Variants in PRICKLE1 observed in about 807,000 individuals in gnomAD.
PRICKLE1 encodes prickle planar cell polarity protein 1.
In PRICKLE1, 14 loss-of-function variants were observed where a neutral mutation model predicts 70.2. That is an observed-to-expected ratio of 0.20 (90% CI 0.13 to 0.31). The LOEUF (loss-of-function observed/expected upper bound fraction) is 0.31, where lower values mean the gene tolerates loss of function less well. Ranked by LOEUF, PRICKLE1 falls within the 10% of genes least tolerant of loss-of-function variation. The probability of loss-of-function intolerance (pLI) is 1.00; values close to 1 mark genes in which losing one functional copy is unlikely to be tolerated. For missense variants in PRICKLE1, 821 were observed against 1,026.2 expected (o/e 0.80, Z 2.73); for synonymous variants, 357 against 379.9 (o/e 0.94, Z 0.70).
intron 1 of PRICKLE1, among the ~76,000 whole-genome samples, chr12:42,583,881 T>C (rs974300267): frequency 6.6e-6 from 1 of 152,136 alleles, no homozygotes; most frequent in Admixed American, 6.5e-5. Context: ...GCTCTAGGTG[T>C]TATGTTTCAG....
At chr12:42,501,623 A>G (rs963820743) in intron 1 of PRICKLE1, among the ~76,000 whole-genome samples, 1 of 151,954 alleles carries the variant, frequency 6.6e-6, no homozygotes, top group Non-Finnish European at 1.5e-5. Flanking sequence ...CTTCCCTAAC[A>G]TGCAACTGAT....
At chr12:42,584,776 G>T (rs1277983966) in intron 1 of PRICKLE1, among the ~76,000 whole-genome samples, 1 of 152,170 alleles carries the variant, frequency 6.6e-6, no homozygotes, top group Non-Finnish European at 1.5e-5. Flanking sequence ...AGGGATCTCT[G>T]CCTCAGATAA....
At chr12:42,502,966 G>C (rs1939341600) in intron 1 of PRICKLE1, among the ~76,000 whole-genome samples, 1 of 152,156 alleles carries the variant, frequency 6.6e-6, no homozygotes, top group African/African-American at 2.4e-5. Flanking sequence ...TCTTAACCCT[G>C]GTCTTGGCCA....
At chr12:42,460,768 A>G in intron 7 of PRICKLE1, 103 bp from the exon 8 acceptor site, 2 of 1,382,426 alleles carry the variant, frequency 1.4e-6, no homozygotes, top group South Asian at 1.2e-5. Flanking sequence ...AAAATTTCCA[A>G]TCTCAATATT....
intron 1 of PRICKLE1, among the ~76,000 whole-genome samples, chr12:42,491,986 A>G (rs934271304): frequency 1.3e-5 from 2 of 151,704 alleles, no homozygotes; most frequent in Non-Finnish European, 2.9e-5. Flanking sequence ...GGTTTTCACT[A>G]TATTGGTCAG....
intron 1 of PRICKLE1, among the ~76,000 whole-genome samples, chr12:42,530,806 C>T (rs1483343121): frequency 1.4e-5 from 2 of 146,806 alleles, no homozygotes; most frequent in South Asian, 2.2e-4. Context: ...CCTGCCTTAG[C>T]CTCCCAAGTA....
Position 42,536,235 on chromosome 12 carries a change from T to C in PRICKLE1, c.-49+53230A>G, listed in dbSNP as rs185405649. 3.6e-3 allele frequency among the ~76,000 whole-genome samples: 545 copies of C among 152,332 alleles called. 1 individual carries two copies. Among genetic ancestry groups the C allele is most frequent in the Non-Finnish European group, 6.2e-3 (423 of 68,030 alleles). On this transcript the variant is annotated intron_variant, in intron 1 of 7. Transcript: ENST00000345127. ...AACTGAGGGACTCCAAGGGGACTTT[T>C]GTCTATTTCCAGAAATGAAGATGCT...
chr12:42,508,768 G>A (rs4768415), intron 1 of PRICKLE1, among the ~76,000 whole-genome samples: 87,804 of 151,872 alleles, frequency 0.58, 25,676 homozygotes, highest in East Asian at 0.72. Context: ...AGATTGTGGC[G>A]CTCTATTCTG....
chr12:42,513,474 T>C (rs1487878832), intron 1 of PRICKLE1, among the ~76,000 whole-genome samples: 1 of 152,040 alleles, frequency 6.6e-6, no homozygotes, highest in Non-Finnish European at 1.5e-5. Context: ...AGTGCTTGAA[T>C]CCAGGAGTTC....
chr12:42,505,215 G>A (rs1939388378), intron 1 of PRICKLE1, among the ~76,000 whole-genome samples: 1 of 152,164 alleles, frequency 6.6e-6, no homozygotes, highest in African/African-American at 2.4e-5. Flanking sequence ...TGATTGCAAA[G>A]GGTCCACCCC....
chr12:42,491,253 A>G (rs527840763), intron 1 of PRICKLE1, among the ~76,000 whole-genome samples: 2 of 151,890 alleles, frequency 1.3e-5, no homozygotes, highest in East Asian at 3.9e-4. Context: ...ATTTACATGT[A>G]ATGTTAAAAA....
At chr12:42,524,292 A>AT (rs999288677) in intron 1 of PRICKLE1, among the ~76,000 whole-genome samples, 2 of 152,222 alleles carry the variant, frequency 1.3e-5, no homozygotes, top group Non-Finnish European at 2.9e-5. Context: ...TTTTCAGAAT[A>AT]TTTTTCCTAC....
rs780428375 is a variant in PRICKLE1 at position 42,472,542 on chromosome 12, C to T, written c.-26G>A. ...AAAGTTTAAAGCCTGGTTTCTCAGT[C>T]ACAGGACATCAAACAATGGCTGCTG... On this transcript the variant is annotated 5_prime_UTR_variant, in exon 2 of 8. Coordinates refer to ENST00000345127, the MANE Select transcript of PRICKLE1 (RefSeq NM_153026.3). 6.8e-6 allele frequency: 11 copies of T among 1,613,890 alleles called. No individual in the cohort carries two copies. Among genetic ancestry groups the T allele is most frequent in the South Asian group, 6.6e-5 (6 of 91,052 alleles).
Position 42,460,070 on chromosome 12 carries a change from G to A in PRICKLE1, c.2235C>T (p.Asn745=). The change falls in exon 8 of 8, where the codon AAC becomes AAT. Residue 745 remains asparagine, a synonymous_variant. Coordinates refer to ENST00000345127, the MANE Select transcript of PRICKLE1 (RefSeq NM_153026.3). The part of the protein sequence containing the change: ...AHATSDYGLQ[N]PGMNRFLGLY... ...GTCCCAGAAACCGATTCATTCCTGG[G>A]TTCTGCAGGCCATAATCGGAAGTGG... is the stretch of plus-strand genomic sequence containing the variant. 6.2e-7 allele frequency: 1 copy of A among 1,614,144 alleles called. No individual in the cohort carries two copies.
At chr12:42,473,669 C>T (rs145381154) in intron 1 of PRICKLE1, among the ~76,000 whole-genome samples, 4 of 152,128 alleles carry the variant, frequency 2.6e-5, no homozygotes, top group East Asian at 1.9e-4. Context: ...ATAATTATCC[C>T]GACCCAATGA....
chr12:42,543,106 T>C (rs889027491), intron 1 of PRICKLE1, among the ~76,000 whole-genome samples: 2 of 152,224 alleles, frequency 1.3e-5, no homozygotes, highest in African/African-American at 2.4e-5. Context: ...TGCCCTGATC[T>C]CAGGCTTCCC....
intron 1 of PRICKLE1, among the ~76,000 whole-genome samples, chr12:42,541,537 T>C (rs1425769308): frequency 6.6e-6 from 1 of 152,070 alleles, no homozygotes; most frequent in Non-Finnish European, 1.5e-5. Context: ...GGGGTCTCAC[T>C]ATGTTGCCCA....
At chr12:42,490,329 C>T (rs1050863311) in intron 1 of PRICKLE1, among the ~76,000 whole-genome samples, 9 of 152,130 alleles carry the variant, frequency 5.9e-5, no homozygotes, top group Non-Finnish European at 8.8e-5. Context: ...CAGGCTGAGC[C>T]GGTCAAAGTT....
At chr12:42,568,811 T>C (rs1016527137) in intron 1 of PRICKLE1, among the ~76,000 whole-genome samples, 2 of 152,162 alleles carry the variant, frequency 1.3e-5, no homozygotes, top group African/African-American at 4.8e-5. Context: ...TTGTACTCAA[T>C]AGGTAATTTC....
Sources: allele counts gnomAD v4.1 joint callset (sites outside exome capture counted in the v4.1 genomes callset), GRCh38; gene constraint gnomAD v4.1.1; transcripts MANE v1.5; gene names NCBI Gene and HGNC (gene_info 2026-07-23, HGNC 2026-07-21).